The following ME3 variants were observed in gnomAD, a reference collection of about 807,000 sequenced individuals.
ME3 encodes the protein NADP-dependent malic enzyme, mitochondrial.
Under a neutral mutation model 68.9 loss-of-function variants are expected in ME3, and 48 were observed. The observed-to-expected ratio is 0.70, with a 90% confidence interval of 0.55 to 0.89. The LOEUF (loss-of-function observed/expected upper bound fraction) is 0.89. ME3 is among the 40% of genes least tolerant of loss of function. ME3 has a pLI of 0.00. For missense variants in ME3, 675 were observed against 797.4 expected (o/e 0.85, Z 1.85); for synonymous variants, 320 against 318.8 (o/e 1.00, Z -0.04).
intron 2 of ME3, among the ~76,000 whole-genome samples, chr11:86,636,144 G>A (rs921715396): frequency 6.6e-6 from 1 of 152,164 alleles, no homozygotes; most frequent in Non-Finnish European, 1.5e-5. Flanking sequence ...AGGCAATTCA[G>A]TGTAGTGGTA....
At chr11:86,462,746 C>T (rs1005143187) in intron 8 of ME3, 5 of 492,370 alleles carry the variant, frequency 1.0e-5, no homozygotes, top group African/African-American at 5.9e-5. Context: ...GGAAGGCAGA[C>T]AATGCAATAC....
At chr11:86,531,920 T>G (rs1255830840) in intron 4 of ME3, among the ~76,000 whole-genome samples, 2 of 151,380 alleles carry the variant, frequency 1.3e-5, no homozygotes, top group Non-Finnish European at 2.9e-5. Flanking sequence ...GGCACATGTA[T>G]ACATATGTAA....
intron 2 of ME3, among the ~76,000 whole-genome samples, chr11:86,646,529 C>A (rs1945025253): frequency 6.6e-6 from 1 of 152,034 alleles, no homozygotes; most frequent in South Asian, 2.1e-4. Context: ...ACAAACAAAG[C>A]CTCTAAGAAA....
intron 5 of ME3, among the ~76,000 whole-genome samples, chr11:86,504,091 C>T (rs1031830711): frequency 1.3e-5 from 2 of 152,196 alleles, no homozygotes; most frequent in Admixed American, 6.5e-5. Context: ...ACTTTTCTTA[C>T]ATTGCAGTTT....
In ME3 at chr11:86,556,583, T is replaced by TG; in HGVS notation, c.436dup (p.Gln146ProfsTer19). On this transcript the variant is annotated frameshift_variant, in exon 4 of 15. Transcript: ENST00000543262. LOFTEE classifies it high-confidence loss of function. ...CCTGCGGAAAGTCAGGCCATAGTGCTGACAGGCCAGCCCCACGGTAGGCGT... is the reference window on the plus strand; with the variant it reads ...CCTGCGGAAAGTCAGGCCATAGTGCTGGACAGGCCAGCCCCACGGTAGGCGT... The TG allele has an allele frequency of 6.2e-7, 1 of 1,614,130 alleles. No individual in the cohort carries two copies. The highest frequency in any genetic ancestry group is 8.5e-7 in the Non-Finnish European group (1 of 1,179,998).
intron 4 of ME3, among the ~76,000 whole-genome samples, chr11:86,546,514 C>T (rs1172515654): frequency 6.6e-6 from 1 of 152,102 alleles, no homozygotes; most frequent in African/African-American, 2.4e-5. Context: ...CAGATACGAA[C>T]AGACACTTCT....
intron 2 of ME3, among the ~76,000 whole-genome samples, chr11:86,574,454 CTGTT>C (rs1441204408): frequency 1.4e-4 from 19 of 140,212 alleles, no homozygotes; most frequent in East Asian, 2.3e-4. Context: ...TATTTGCTTT[CTGTT>C]TGTTTATTTT....
chr11:86,595,425 G>A (rs1959253402), intron 2 of ME3, among the ~76,000 whole-genome samples: 1 of 147,250 alleles, frequency 6.8e-6, no homozygotes, highest in Admixed American at 7.2e-5. Flanking sequence ...CCATTTGACA[G>A]ATGAAGAGAC....
chr11:86,651,475 G>C (rs183821464), intron 2 of ME3, among the ~76,000 whole-genome samples: 11 of 152,340 alleles, frequency 7.2e-5, no homozygotes, highest in Admixed American at 2.6e-4. Context: ...CTGATACCCA[G>C]GCAAACAGCG....
chr11:86,522,146 A>T (rs533606032), intron 4 of ME3, among the ~76,000 whole-genome samples: 23 of 152,256 alleles, frequency 1.5e-4, no homozygotes, highest in Middle Eastern at 3.4e-3. Flanking sequence ...GCTACTCAGG[A>T]GGCTGAGGTA....
chr11:86,466,375 T>C (rs2138744332), intron 7 of ME3, among the ~76,000 whole-genome samples: 1 of 152,358 alleles, frequency 6.6e-6, no homozygotes, highest in East Asian at 1.9e-4. Context: ...TCTGAGGTCA[T>C]GTCATTGAGA....
At chr11:86,639,448 A>G (rs1447650612) in intron 2 of ME3, among the ~76,000 whole-genome samples, 14 of 141,644 alleles carry the variant, frequency 9.9e-5, no homozygotes, top group Non-Finnish European at 3.0e-5. Flanking sequence ...TCCCCCACAC[A>G]TTGCCATAAC....
At chr11:86,482,828 G>C (rs551752708) in intron 7 of ME3, among the ~76,000 whole-genome samples, 1 of 151,980 alleles carries the variant, frequency 6.6e-6, no homozygotes, top group Non-Finnish European at 1.5e-5. Flanking sequence ...AGCTGAGCCC[G>C]CTCCCAGCTA....
chr11:86,551,450 A>G (rs1023336859), intron 4 of ME3, among the ~76,000 whole-genome samples: 4 of 152,184 alleles, frequency 2.6e-5, no homozygotes, highest in African/African-American at 7.2e-5. Flanking sequence ...GTGCAGACTT[A>G]TCTGGCAAGG....
At position 86,610,366 on chromosome 11, in the gene ME3, T is replaced by G. The variant is rs189464321; in HGVS notation, c.184-50543A>C. ...ATCTGCAAGCAGAAACTAAATACCT[T>G]GAGACCTCAAAGGAAAGAACCATTA... On this transcript the variant is annotated intron_variant, in intron 2 of 14. Transcript: ENST00000543262. Among the ~76,000 whole-genome samples the G allele has an allele frequency of 3.2e-3, 481 of 152,274 alleles. 1 individual carries two copies. The highest frequency in any genetic ancestry group is 0.011 in the South Asian group (52 of 4,818).
chr11:86,590,715 G>A (rs1346747824), intron 2 of ME3, among the ~76,000 whole-genome samples: 1 of 152,168 alleles, frequency 6.6e-6, no homozygotes, highest in Non-Finnish European at 1.5e-5. Context: ...TGTTAATTAC[G>A]TTACTCTGGA....
intron 4 of ME3, among the ~76,000 whole-genome samples, chr11:86,515,070 T>C (rs996393639): frequency 2.0e-5 from 3 of 152,200 alleles, no homozygotes; most frequent in African/African-American, 7.2e-5. Context: ...AAGACGGTTG[T>C]AAATAAAGTA....
At chr11:86,607,421 C>T (rs567842127) in intron 2 of ME3, among the ~76,000 whole-genome samples, 113 of 151,342 alleles carry the variant, frequency 7.5e-4, no homozygotes, top group African/African-American at 2.7e-3. Context: ...GATTCATAGC[C>T]CCATATACAT....
intron 2 of ME3, among the ~76,000 whole-genome samples, chr11:86,598,542 C>T (rs1476027480): frequency 6.6e-6 from 1 of 152,214 alleles, no homozygotes; most frequent in East Asian, 1.9e-4. Context: ...AACAAAAAGA[C>T]AGCAGTAACC....
Sources: gnomAD v4.1 joint callset for allele counts (sites outside exome capture counted in the v4.1 genomes callset) on GRCh38, gnomAD v4.1.1 for gene constraint, MANE v1.5 for transcripts, NCBI Gene and HGNC (gene_info 2026-07-23, HGNC 2026-07-21) for gene names.